SIAH3: variants seen among roughly 807,000 people sequenced by gnomAD.
SIAH3 encodes the protein siah E3 ubiquitin protein ligase family member 3, also known as seven in absentia homolog 3.
A neutral mutation model predicts 12.6 loss-of-function variants in SIAH3; 9 were observed. The ratio of observed to expected loss-of-function variants is 0.72; its 90% CI spans 0.43 to 1.25. The LOEUF is 1.25. Among genes scored for constraint, SIAH3 ranks in the 50% most tolerant of loss-of-function variants. The pLI, the probability that SIAH3 is intolerant of heterozygous loss-of-function variation, is 0.00. For missense variants in SIAH3, 390 were observed against 365.4 expected (o/e 1.07, Z -0.55); for synonymous variants, 154 against 151.1 (o/e 1.02, Z -0.14).
chr13:45,807,094 CT>C (rs1950600731), intron 1 of SIAH3, among the ~76,000 whole-genome samples: 1 of 151,728 alleles, frequency 6.6e-6, no homozygotes, highest in Non-Finnish European at 1.5e-5. Context: ...AAAATAATAC[CT>C]TGGAATAAAT....
At chr13:45,787,213 G>T (rs1334783771) in intron 1 of SIAH3, among the ~76,000 whole-genome samples, 1 of 152,144 alleles carries the variant, frequency 6.6e-6, no homozygotes, top group Non-Finnish European at 1.5e-5. Flanking sequence ...GCATGCAAAT[G>T]TCTCCATTCC....
intron 1 of SIAH3, among the ~76,000 whole-genome samples, chr13:45,849,274 T>G (rs1276993693): frequency 6.6e-6 from 1 of 152,182 alleles, no homozygotes; most frequent in Non-Finnish European, 1.5e-5. Context: ...GTGGTTTTTT[T>G]GTGTGCGAAA....
chr13:45,782,574 C>A lies in SIAH3; in HGVS notation c.*809G>T, dbSNP rs890213877. On this transcript the variant is annotated 3_prime_UTR_variant, in exon 2 of 2. Coordinates refer to ENST00000400405, the MANE Select transcript of SIAH3 (RefSeq NM_198849.3). Reference sequence around the variant, plus strand: ...TCCTGTTGCTTTTCATCCCCACCCCCCATCTTGCCTATTCTTTTCTACTAC... The same window carrying A: ...TCCTGTTGCTTTTCATCCCCACCCCACATCTTGCCTATTCTTTTCTACTAC... 6.6e-5 allele frequency: 10 copies of A among 152,168 alleles called. No individual in the cohort carries two copies. The highest frequency in any genetic ancestry group is 1.4e-4 in the African/African-American group (6 of 41,410). The allele number at this position is 152,168 out of a possible 1,614,324, so 9.4% of individuals were successfully genotyped here.
At chr13:45,821,610 G>A (rs753001240) in intron 1 of SIAH3, among the ~76,000 whole-genome samples, 22 of 152,190 alleles carry the variant, frequency 1.4e-4, no homozygotes, top group Non-Finnish European at 2.8e-4. Context: ...GAAAATCACC[G>A]TAGAGATTTT....
At chr13:45,838,351 G>T (rs1485855129) in intron 1 of SIAH3, among the ~76,000 whole-genome samples, 1 of 152,136 alleles carries the variant, frequency 6.6e-6, no homozygotes, top group Non-Finnish European at 1.5e-5. Context: ...CGCGTTTCTG[G>T]CATTTGCTTC....
In SIAH3 at chr13:45,797,122, G is replaced by A. The variant is rs533211515; in HGVS notation, c.136-13065C>T. ...GATAATTAGCCTAATCTACTTCAAC[G>A]CAATTCAAATCGTCTCTATGCAGGT... is the stretch of plus-strand genomic sequence containing the variant. On this transcript the variant is annotated intron_variant, in intron 1 of 1. Coordinates refer to ENST00000400405, the MANE Select transcript of SIAH3 (RefSeq NM_198849.3). Among the ~76,000 whole-genome samples, 15 of 149,036 alleles carry A rather than the reference G, an allele frequency of 1.0e-4. No homozygotes were observed. The South Asian group carries it at 2.3e-3, about 23-fold the overall frequency.
intron 1 of SIAH3, among the ~76,000 whole-genome samples, chr13:45,789,199 T>A (rs970486835): frequency 2.6e-5 from 4 of 152,242 alleles, no homozygotes. Flanking sequence ...AACATCTTAA[T>A]TAGAAAATGT....
intron 1 of SIAH3, among the ~76,000 whole-genome samples, chr13:45,784,443 A>G (rs529629182): frequency 3.9e-5 from 5 of 128,122 alleles, no homozygotes; most frequent in African/African-American, 1.5e-4. Flanking sequence ...ATTGTTGATA[A>G]TTTTGTGCAG....
At chr13:45,795,554 T>C (rs532028496) in intron 1 of SIAH3, among the ~76,000 whole-genome samples, 1 of 152,366 alleles carries the variant, frequency 6.6e-6, no homozygotes, top group South Asian at 2.1e-4. Flanking sequence ...CTTGTAAATT[T>C]GTGTCTTGAG....
chr13:45,800,119 T>C (rs1455835670), intron 1 of SIAH3, among the ~76,000 whole-genome samples: 5 of 152,234 alleles, frequency 3.3e-5, no homozygotes, highest in Admixed American at 3.3e-4. Context: ...AATAGAAAAC[T>C]CTCAGAATAG....
intron 1 of SIAH3, among the ~76,000 whole-genome samples, chr13:45,814,413 A>C (rs1182661123): frequency 6.6e-6 from 1 of 152,008 alleles, no homozygotes; most frequent in Admixed American, 6.6e-5. Context: ...TCTGGGTATC[A>C]GGAGATATTT....
intron 1 of SIAH3, among the ~76,000 whole-genome samples, chr13:45,817,693 A>G (rs1472595857): frequency 6.6e-6 from 1 of 152,206 alleles, no homozygotes; most frequent in African/African-American, 2.4e-5. Flanking sequence ...AAGGCAAGGG[A>G]TGCCAACAGC....
At chr13:45,805,204 G>A (rs8001117) in intron 1 of SIAH3, among the ~76,000 whole-genome samples, 3 of 151,672 alleles carry the variant, frequency 2.0e-5, no homozygotes, top group African/African-American at 4.8e-5. Flanking sequence ...CAACATTACC[G>A]TTCACAGAAT....
intron 1 of SIAH3, among the ~76,000 whole-genome samples, chr13:45,848,851 G>A (rs1358256121): frequency 6.6e-6 from 1 of 152,132 alleles, no homozygotes; most frequent in East Asian, 1.9e-4. Context: ...CAGATCAATA[G>A]CTATTCTGGG....
chr13:45,843,771 C>T (rs60470154), intron 1 of SIAH3, among the ~76,000 whole-genome samples: 12,368 of 152,180 alleles, frequency 0.081, 898 homozygotes, highest in East Asian at 0.39. Context: ...GAAGGGAAGG[C>T]GGAGAAAGAC....
chr13:45,827,499 A>G (rs1950683090), intron 1 of SIAH3, among the ~76,000 whole-genome samples: 1 of 152,120 alleles, frequency 6.6e-6, no homozygotes. Flanking sequence ...CTAATATGGA[A>G]CTCTACAGAC....
At chr13:45,832,290 C>G (rs746985803) in intron 1 of SIAH3, among the ~76,000 whole-genome samples, 3 of 152,218 alleles carry the variant, frequency 2.0e-5, no homozygotes, top group Non-Finnish European at 2.9e-5. Context: ...TCGCCACTAT[C>G]TATTTTCAGA....
At chr13:45,822,464 T>C (rs1354471944) in intron 1 of SIAH3, among the ~76,000 whole-genome samples, 2 of 146,122 alleles carry the variant, frequency 1.4e-5, no homozygotes, top group Non-Finnish European at 3.0e-5. Context: ...CAGTTACAAA[T>C]TTACTAACTT....
At chr13:45,831,223 TA>T (rs879944490) in intron 1 of SIAH3, among the ~76,000 whole-genome samples, 1 of 141,506 alleles carries the variant, frequency 7.1e-6, no homozygotes, top group Admixed American at 7.2e-5. Flanking sequence ...AATAAATAAA[TA>T]AAATAAAAAA....
Sources: gnomAD v4.1 joint callset for allele counts (sites outside exome capture counted in the v4.1 genomes callset) on GRCh38, gnomAD v4.1.1 for gene constraint, MANE v1.5 for transcripts, NCBI Gene and HGNC (gene_info 2026-07-23, HGNC 2026-07-21) for gene names.